The following MYZAP variants were observed in gnomAD, a reference collection of about 807,000 sequenced individuals.
MYZAP encodes the protein myocardial zonula adherens protein.
MYZAP carries 66 observed loss-of-function variants against 69.4 expected under a neutral mutation model. The observed-to-expected ratio is 0.95, with a 90% CI of 0.78 to 1.17. MYZAP has a LOEUF of 1.17. MYZAP is among the 50% of genes most tolerant of loss of function. The pLI, the probability that MYZAP is intolerant of heterozygous loss-of-function variation, is 0.00. For synonymous variants in MYZAP, 256 were observed against 205.9 expected (o/e 1.24, Z -2.09); for missense variants, 611 against 556.2 (o/e 1.10, Z -0.99).
At chr15:57,608,364 C>A (rs909104058) in intron 2 of MYZAP, among the ~76,000 whole-genome samples, 6 of 152,148 alleles carry the variant, frequency 3.9e-5, no homozygotes, top group African/African-American at 1.2e-4. Flanking sequence ...TTGTGGATGG[C>A]GTATTTTGCC....
intron 12 of MYZAP, among the ~76,000 whole-genome samples, chr15:57,676,595 C>T (rs1309734129): frequency 5.9e-5 from 9 of 151,950 alleles, no homozygotes; most frequent in Admixed American, 2.0e-4. Flanking sequence ...CGTTTCCCCC[C>T]TTTTTGTATT....
chr15:57,609,345 A>G (rs1271106918), intron 2 of MYZAP, among the ~76,000 whole-genome samples: 1 of 152,194 alleles, frequency 6.6e-6, no homozygotes, highest in Non-Finnish European at 1.5e-5. Flanking sequence ...GTCTGGGATC[A>G]AGGTGCTGGT....
At chr15:57,627,510 C>G (rs1029883667) in intron 5 of MYZAP, among the ~76,000 whole-genome samples, 1 of 152,012 alleles carries the variant, frequency 6.6e-6, no homozygotes, top group African/African-American at 2.4e-5. Context: ...GTGTTAGGCA[C>G]TGATGCTGAG....
intron 1 of MYZAP, among the ~76,000 whole-genome samples, chr15:57,597,080 G>A (rs1435541890): frequency 6.6e-6 from 1 of 152,220 alleles, no homozygotes; most frequent in African/African-American, 2.4e-5. Context: ...GAAGCCTTGG[G>A]TTAAATCCAT....
chr15:57,676,111 G>A (rs1308061329), intron 12 of MYZAP, among the ~76,000 whole-genome samples: 3 of 151,980 alleles, frequency 2.0e-5, no homozygotes, highest in African/African-American at 7.3e-5. Flanking sequence ...TTCTTCACTG[G>A]GGCCTCGGTT....
chr15:57,601,299 T>TGTGTGTGA (rs1355910481), intron 1 of MYZAP, among the ~76,000 whole-genome samples: 3 of 151,038 alleles, frequency 2.0e-5, no homozygotes, highest in Admixed American at 2.0e-4. Context: ...TGTGTGTGTG[T>TGTGTGTGA]GATGTGGTGC....
intron 12 of MYZAP, among the ~76,000 whole-genome samples, chr15:57,683,117 C>A (rs570958283): frequency 1.3e-5 from 2 of 152,216 alleles, no homozygotes; most frequent in African/African-American, 4.8e-5. Context: ...CTGTTACCAC[C>A]CTTGCCTGAG....
Position 57,629,792 on chromosome 15 carries a change from C to T in MYZAP, c.616C>T (p.Leu206=). Residue 206 remains leucine, a synonymous_variant, in exon 6 of 13, where the codon CTG becomes TTG. Transcript: ENST00000267853. ...QQTYEASMDK[L]REKQRQLEVA... ...GACGTATGAAGCATCCATGGACAAGCTGAGGGAAAAGCAGAGGCAGTTGGA... is the reference window on the plus strand; with the variant it reads ...GACGTATGAAGCATCCATGGACAAGTTGAGGGAAAAGCAGAGGCAGTTGGA... 1 of 1,613,966 alleles carries T rather than the reference C, an allele frequency of 6.2e-7. No homozygotes were observed. The highest frequency in any genetic ancestry group is 1.1e-5 in the South Asian group (1 of 91,056).
intron 10 of MYZAP, among the ~76,000 whole-genome samples, chr15:57,660,749 C>G (rs1333790770): frequency 6.6e-6 from 1 of 152,180 alleles, no homozygotes; most frequent in East Asian, 1.9e-4. Flanking sequence ...ACAGAGTACT[C>G]TGGTTCCTGC....
intron 11 of MYZAP, among the ~76,000 whole-genome samples, chr15:57,665,036 T>C (rs945919708): frequency 6.6e-6 from 1 of 152,258 alleles, no homozygotes; most frequent in Non-Finnish European, 1.5e-5. Flanking sequence ...TTTATTGTCA[T>C]TGATAAATAT....
chr15:57,632,367 G>A (rs2140438700), intron 6 of MYZAP, 67 bp from the exon 7 acceptor site: 21 of 1,604,600 alleles, frequency 1.3e-5, no homozygotes, highest in Non-Finnish European at 1.8e-5. Flanking sequence ...CATGAAATGT[G>A]CAGTGGAAGC....
chr15:57,617,387 A>G (rs2035534848), intron 2 of MYZAP, among the ~76,000 whole-genome samples: 1 of 152,166 alleles, frequency 6.6e-6, no homozygotes, highest in African/African-American at 2.4e-5. Flanking sequence ...ACTGTTTCTC[A>G]AGGGTATTTG....
chr15:57,650,400 C>G (rs1446723397), intron 10 of MYZAP, among the ~76,000 whole-genome samples: 1 of 152,142 alleles, frequency 6.6e-6, no homozygotes, highest in Non-Finnish European at 1.5e-5. Context: ...AGTTCCTGCT[C>G]TCAGAGGACC....
intron 10 of MYZAP, among the ~76,000 whole-genome samples, chr15:57,656,769 C>T (rs2038029249): frequency 6.6e-6 from 1 of 152,158 alleles, no homozygotes; most frequent in African/African-American, 2.4e-5. Context: ...ACAGAATATA[C>T]TAGAAAAGAA....
intron 10 of MYZAP, among the ~76,000 whole-genome samples, chr15:57,661,047 C>T (rs763592740): frequency 1.3e-5 from 2 of 152,058 alleles, no homozygotes; most frequent in African/African-American, 2.4e-5. Context: ...AAATTCAAGC[C>T]GAATAATCAT....
chr15:57,661,154 T>C (rs948877102), intron 10 of MYZAP, among the ~76,000 whole-genome samples: 3 of 152,160 alleles, frequency 2.0e-5, no homozygotes, highest in African/African-American at 4.8e-5. Context: ...TGTGGAAATG[T>C]TGGATTAATC....
chr15:57,598,180 T>G (rs933991392), intron 1 of MYZAP, among the ~76,000 whole-genome samples: 1 of 152,112 alleles, frequency 6.6e-6, no homozygotes, highest in Non-Finnish European at 1.5e-5. Flanking sequence ...GAGTACCCCG[T>G]AGGTGAGACC....
chr15:57,603,965 A>G (rs1005696065), intron 1 of MYZAP, among the ~76,000 whole-genome samples: 1 of 152,218 alleles, frequency 6.6e-6, no homozygotes, highest in African/African-American at 2.4e-5. Flanking sequence ...TACTTGTGAA[A>G]TGAGATCATT....
At chr15:57,616,249 T>C (rs1424798536) in intron 2 of MYZAP, among the ~76,000 whole-genome samples, 1 of 152,242 alleles carries the variant, frequency 6.6e-6, no homozygotes, top group Non-Finnish European at 1.5e-5. Context: ...GCAAGGTGGC[T>C]CATGCTTGTA....
Sources: allele counts gnomAD v4.1 joint callset (sites outside exome capture counted in the v4.1 genomes callset), GRCh38; gene constraint gnomAD v4.1.1; transcripts MANE v1.5; gene names NCBI Gene and HGNC (gene_info 2026-07-23, HGNC 2026-07-21).